The following TLL2 variants were observed in gnomAD, a reference collection of about 807,000 sequenced individuals.
The protein encoded by TLL2 is tolloid like 2.
TLL2 carries 106 observed loss-of-function variants against 123.0 expected under a neutral mutation model. That is an observed-to-expected ratio of 0.86 (90% CI 0.74 to 1.01). TLL2 has a LOEUF of 1.01. Ranked by LOEUF, TLL2 falls within the 50% of genes least tolerant of loss-of-function variation. TLL2 has a pLI of 0.00. For missense variants in TLL2, 1,332 were observed against 1,336.7 expected, an observed-to-expected ratio of 1.00 and a Z score of 0.06; for synonymous variants, 494 against 516.8, an observed-to-expected ratio of 0.96 and a Z score of 0.60.
At chr10:96,506,791 A>G (rs1847583692) in intron 1 of TLL2, among the ~76,000 whole-genome samples, 2 of 152,000 alleles carry the variant, frequency 1.3e-5, no homozygotes, top group African/African-American at 2.4e-5. Context: ...GGTGTGCTGC[A>G]CTGATCACTA....
Position 96,376,820 on chromosome 10 carries a change from C to T in TLL2, c.2321-1G>A, listed in dbSNP as rs1212203578. The T allele has an allele frequency of 1.3e-6, 2 of 1,523,666 alleles. No homozygotes were observed. Among genetic ancestry groups the T allele is most frequent in the Non-Finnish European group, 1.8e-6 (2 of 1,139,192 alleles). The allele number at this position is 1,523,666 out of a possible 1,614,324, so 94.4% of individuals were successfully genotyped here. A position where few individuals can be genotyped will look rare whatever the true frequency, so the allele number is the denominator to read the frequency against. On this transcript the variant is annotated splice_acceptor_variant, in intron 17 of 20. Transcript: ENST00000357947. LOFTEE classifies it high-confidence loss of function. The stretch of plus-strand genomic sequence containing the variant: ...CTGCTGATCTTGTGTGCACAGCCAG[C>T]TGGGGGTGGCAGGGGGACACATACA...
chr10:96,433,871 GT>G (rs1358426093), intron 3 of TLL2, among the ~76,000 whole-genome samples: 3 of 152,242 alleles, frequency 2.0e-5, no homozygotes, highest in Admixed American at 2.0e-4. Flanking sequence ...CACCTCCCGG[GT>G]TCAAGCGATT....
At chr10:96,435,768 A>G (rs1479696675) in intron 3 of TLL2, among the ~76,000 whole-genome samples, 1 of 152,194 alleles carries the variant, frequency 6.6e-6, no homozygotes, top group African/African-American at 2.4e-5. Flanking sequence ...TCAACTGGCC[A>G]TCCTTTCCTA....
rs562043139 is a variant in TLL2, at chr10:96,458,634, G to T, written c.287-12466C>A. Among the ~76,000 whole-genome samples the T allele has an allele frequency of 4.0e-5, 6 of 150,114 alleles. No individual in the cohort carries two copies. In the South Asian group the frequency reaches 1.3e-3, roughly 32 times the overall value. ...AAAAAAAAAAAAATCAGCCAGTCGT[G>T]GTGGCTCACACCTGTAGTCCCAGCT... On this transcript the variant is annotated intron_variant, in intron 2 of 20. Coordinates refer to ENST00000357947, the MANE Select transcript of TLL2 (RefSeq NM_012465.4).
At position 96,395,498 on chromosome 10, in the gene TLL2, A is replaced by C. The variant is rs1383900831; in HGVS notation, c.1531-116T>G. 2.8e-6 allele frequency: 3 copies of C among 1,067,074 alleles called. No individual in the cohort carries two copies. In the Admixed American group the frequency reaches 9.0e-5, roughly 32 times the overall value. The allele number at this position is 1,067,074 out of a possible 1,614,324, so 66.1% of individuals were successfully genotyped here. On this transcript the variant is annotated intron_variant, in intron 12 of 20. Coordinates refer to ENST00000357947, the MANE Select transcript of TLL2 (RefSeq NM_012465.4). ...ATCTAACCAAGAGGCCAAAGGACCCAAGTGTGTCCCAGGTCTCTCCATGCT... is the reference window on the plus strand; with the variant it reads ...ATCTAACCAAGAGGCCAAAGGACCCCAGTGTGTCCCAGGTCTCTCCATGCT...
chr10:96,420,920 G>A (rs1244501035), intron 7 of TLL2, 36 bp downstream of exon 7: 2 of 1,596,744 alleles, frequency 1.3e-6, no homozygotes, highest in Non-Finnish European at 1.7e-6. Context: ...CGCAGGCACA[G>A]TAAAACACAG....
intron 1 of TLL2, among the ~76,000 whole-genome samples, chr10:96,510,670 G>A (rs1847619929): frequency 6.6e-6 from 1 of 152,232 alleles, no homozygotes; most frequent in South Asian, 2.1e-4. Context: ...CTTGTAAGTG[G>A]CAGAGTAAAT....
rs531172105 is a variant in TLL2 at position 96,464,790 on chromosome 10, C to A, written c.286+15559G>T. 4.0e-4 allele frequency among the ~76,000 whole-genome samples: 61 copies of A among 152,212 alleles called. 2 individuals are homozygous for A. The South Asian group carries it at 0.011, about 28-fold the overall frequency. On this transcript the variant is annotated intron_variant, in intron 2 of 20. Coordinates refer to ENST00000357947, the MANE Select transcript of TLL2 (RefSeq NM_012465.4). ...AGAAATAAAAATTCTTAAATGTAAA[C>A]AGAAATGCAAATAAATATACCCCAA...
At chr10:96,405,613 G>A (rs1444067572) in intron 9 of TLL2, among the ~76,000 whole-genome samples, 1 of 152,216 alleles carries the variant, frequency 6.6e-6, no homozygotes, top group African/African-American at 2.4e-5. Flanking sequence ...CAGAAAGCGA[G>A]ATGCATTAAA....
chr10:96,479,243 A>ACC (rs1847288193), intron 2 of TLL2, among the ~76,000 whole-genome samples: 1 of 152,176 alleles, frequency 6.6e-6, no homozygotes, highest in African/African-American at 2.4e-5. Flanking sequence ...AAAGTACATA[A>ACC]TTGCCCCACC....
chr10:96,498,381 A>G (rs888038785), intron 1 of TLL2, among the ~76,000 whole-genome samples: 1 of 152,242 alleles, frequency 6.6e-6, no homozygotes, highest in Non-Finnish European at 1.5e-5. Context: ...GATTCCTTCC[A>G]GCTTTAACAT....
rs191051584 is a variant in TLL2 at position 96,397,170 on chromosome 10, T to G, written c.1384+16A>C. 2.4e-5 allele frequency: 39 copies of G among 1,604,728 alleles called. No homozygotes were observed. The African/African-American group carries it at 5.1e-4, about 21-fold the overall frequency. On this transcript the variant is annotated intron_variant, in intron 11 of 20. Coordinates refer to ENST00000357947, the MANE Select transcript of TLL2 (RefSeq NM_012465.4). ...TATGAGGGGCCACCGAGCAGCTGCT[T>G]TCACCTCGCACAAACCTTCGTACGC... is the stretch of plus-strand genomic sequence containing the variant.
At chr10:96,483,497 C>T (rs1847330437) in intron 1 of TLL2, among the ~76,000 whole-genome samples, 2 of 152,252 alleles carry the variant, frequency 1.3e-5, no homozygotes, top group South Asian at 4.1e-4. Context: ...GTTATCCTGT[C>T]CCTTATCTAT....
chr10:96,384,370 T>C (rs1267380439), intron 16 of TLL2, among the ~76,000 whole-genome samples: 2 of 152,106 alleles, frequency 1.3e-5, no homozygotes, highest in Admixed American at 6.5e-5. Flanking sequence ...AACCAACCAG[T>C]TTGTGGTAAT....
intron 2 of TLL2, among the ~76,000 whole-genome samples, chr10:96,476,977 G>A (rs1370539693): frequency 1.3e-5 from 2 of 151,014 alleles, no homozygotes; most frequent in East Asian, 3.9e-4. Context: ...GATCTTTGGG[G>A]CTGGGATAAC....
intron 10 of TLL2, among the ~76,000 whole-genome samples, chr10:96,404,368 A>G (rs1846429151): frequency 6.6e-6 from 1 of 152,206 alleles, no homozygotes; most frequent in African/African-American, 2.4e-5. Flanking sequence ...TGCCCTGTTC[A>G]TCTCACCAAA....
rs558389708 is a variant in TLL2 at position 96,366,817 on chromosome 10, A to G, written c.*1271T>C. On this transcript the variant is annotated 3_prime_UTR_variant, in exon 21 of 21. Transcript: ENST00000357947. ...ACATAAATACTCTTTTAAAGCTAAC[A>G]TACCACAGCTTTTAGCTCATAATGC... 2.6e-5 allele frequency: 4 copies of G among 152,804 alleles called. No individual in the cohort carries two copies. In the South Asian group the frequency reaches 8.3e-4, roughly 32 times the overall value. 9.5% of individuals were successfully genotyped at this position (152,804 alleles called of 1,614,324 possible). A position where few individuals can be genotyped will look rare whatever the true frequency, so the allele number is the denominator to read the frequency against.
At chr10:96,490,150 C>T (rs1052423446) in intron 1 of TLL2, among the ~76,000 whole-genome samples, 1 of 151,894 alleles carries the variant, frequency 6.6e-6, no homozygotes, top group South Asian at 2.1e-4. Context: ...CTAGGAACAA[C>T]CTTGATGACA....
intron 1 of TLL2, 65 bp from the exon 2 acceptor site, chr10:96,480,524 GC>G (rs1847302422): frequency 4.7e-6 from 6 of 1,268,442 alleles, no homozygotes; most frequent in Non-Finnish European, 6.9e-6. Flanking sequence ...ATTCACTAAT[GC>G]CCCAAAGGGC....
Sources: allele counts gnomAD v4.1 joint callset (sites outside exome capture counted in the v4.1 genomes callset), GRCh38; gene constraint gnomAD v4.1.1; transcripts MANE v1.5; gene names NCBI Gene and HGNC (gene_info 2026-07-23, HGNC 2026-07-21).